Variants in BTN3A2 observed in about 807,000 individuals in gnomAD.
BTN3A2 encodes the protein butyrophilin subfamily 3 member A2, also known as butyrophilin protein.
Under a neutral mutation model 37.6 loss-of-function variants are expected in BTN3A2, and 25 were observed. The observed-to-expected ratio is 0.66, with a 90% CI of 0.48 to 0.93. The LOEUF is 0.93. Among genes scored for constraint, BTN3A2 ranks in the 40% least tolerant of loss-of-function variants. The pLI is 0.00. For missense variants in BTN3A2, 266 were observed against 410.9 expected (o/e 0.65, Z 3.05); for synonymous variants, 122 against 159.4 (o/e 0.77, Z 1.77).
At chr6:26,375,670 G>C in intron 10 of BTN3A2, 127 bp from the exon 11 acceptor site, 1 of 1,516,848 alleles carries the variant, frequency 6.6e-7, no homozygotes, top group Non-Finnish European at 8.8e-7. Flanking sequence ...ACAGAGCCCA[G>C]CACAGAGACG....
At chr6:26,374,889 G>A (rs1049322437) in intron 10 of BTN3A2, 91 bp downstream of exon 10, 6 of 1,367,380 alleles carry the variant, frequency 4.4e-6, no homozygotes, top group African/African-American at 4.4e-5. Context: ...GTGATTTGGA[G>A]CAGAAAAGTT....
In BTN3A2 at chr6:26,377,802, CT is replaced by C; in HGVS notation, c.*2042del. The C allele has an allele frequency of 6.4e-6, 1 of 156,952 alleles. No individual in the cohort carries two copies. Among genetic ancestry groups the C allele is most frequent in the Non-Finnish European group, 1.4e-5 (1 of 70,762 alleles). 9.7% of individuals were successfully genotyped at this position (156,952 alleles called of 1,614,324 possible). On this transcript the variant is annotated 3_prime_UTR_variant, in exon 11 of 11. Coordinates refer to ENST00000377708, the MANE Select transcript of BTN3A2 (RefSeq NM_007047.5). The stretch of plus-strand genomic sequence containing the variant: ...GTGGAGTTAAGACCCCTATGGACTC[CT>C]TCCCAGCTGATTATCAGAGCCTTAG...
chr6:26,365,487 T>C, intron 1 of BTN3A2, 135 bp downstream of exon 1: 2 of 622,902 alleles, frequency 3.2e-6, no homozygotes, highest in Non-Finnish European at 5.4e-6. Context: ...TGTGTGTGTG[T>C]GTGTGTGTGT....
At chr6:26,374,088 C>T in intron 8 of BTN3A2, 2 of 466,680 alleles carry the variant, frequency 4.3e-6, no homozygotes, top group Non-Finnish European at 7.5e-6. Flanking sequence ...AAGGAACTCT[C>T]ACAGTGCCTG....
chr6:26,370,534 G>T lies in BTN3A2; in HGVS notation c.646G>T (p.Glu216Ter), dbSNP rs547467729. 2.6e-5 allele frequency: 42 copies of T among 1,614,242 alleles called. No homozygotes were observed. Among genetic ancestry groups the T allele is most frequent in the Middle Eastern group, 3.3e-4 (2 of 6,062 alleles). The change falls in exon 5 of 11, where the codon GAG becomes TAG. Residue 216 changes from glutamate to a stop codon, truncating the protein, a stop_gained. Coordinates refer to ENST00000377708, the MANE Select transcript of BTN3A2 (RefSeq NM_007047.5). LOFTEE classifies it high-confidence loss of function. Reference sequence around the variant, plus strand: ...TGTGATCATGAGAGGCGGCTCCGGGGAGGGTGTATCCTGCATCATCAGAAA... The same window carrying T: ...TGTGATCATGAGAGGCGGCTCCGGGTAGGGTGTATCCTGCATCATCAGAAA... ...ASVIMRGGSG[E>*]GVSCIIRNSL...
At chr6:26,374,719 G>A (rs1343194721) in intron 9 of BTN3A2, 52 bp from the exon 10 acceptor site, 1 of 1,486,988 alleles carries the variant, frequency 6.7e-7, no homozygotes, top group Non-Finnish European at 9.3e-7. Context: ...AATGGAGTGG[G>A]AAAAGTACAA....
intron 1 of BTN3A2, among the ~76,000 whole-genome samples, chr6:26,367,130 A>G (rs954848815): frequency 6.6e-6 from 1 of 152,170 alleles, no homozygotes; most frequent in African/African-American, 2.4e-5. Context: ...TAGTTCTGCA[A>G]GGTGCTTTTT....
intron 8 of BTN3A2, 126 bp from the exon 9 acceptor site, chr6:26,374,201 T>TAAAAAAAAAA (rs34655395): frequency 2.0e-5 from 5 of 246,806 alleles, no homozygotes; most frequent in African/African-American, 7.9e-5. Flanking sequence ...GGTGGGATGG[T>TAAAAAAAAAA]AAAAAAAAAA....
rs71557335 is a variant in BTN3A2, at chr6:26,368,051, G to A, written c.-6+1G>A. The A allele has an allele frequency of 0.11, 166,920 of 1,511,540 alleles. 10,253 individuals carry two copies. The highest frequency in any genetic ancestry group is 0.12 in the Non-Finnish European group (140,709 of 1,127,992). 93.6% of individuals were successfully genotyped at this position (1,511,540 alleles called of 1,614,324 possible). A position where few individuals can be genotyped will look rare whatever the true frequency, so the allele number is the denominator to read the frequency against. On this transcript the variant is annotated splice_donor_variant, in intron 2 of 10. Transcript: ENST00000377708. LOFTEE classifies it low-confidence loss of function (5UTR_SPLICE). Reference sequence around the variant, plus strand: ...TCAAGGACAGACATTTTTGGCAGAGGTAAGATCTTCTTCGGTCACCATATT... The same window carrying A: ...TCAAGGACAGACATTTTTGGCAGAGATAAGATCTTCTTCGGTCACCATATT...
chr6:26,372,600 G>A (rs1283048627), intron 5 of BTN3A2: 4 of 337,368 alleles, frequency 1.2e-5, no homozygotes, highest in East Asian at 6.2e-5. Flanking sequence ...AGTTTTGAAC[G>A]ATGTAAATGT....
In BTN3A2 at chr6:26,377,170, T is replaced by G; in HGVS notation, c.*1408T>G. On this transcript the variant is annotated 3_prime_UTR_variant, in exon 11 of 11. Coordinates refer to ENST00000377708, the MANE Select transcript of BTN3A2 (RefSeq NM_007047.5). Reference sequence around the variant, plus strand: ...CTGGAGATACCACTGACCCCAGGCTTAGCTAATGAAAGTGGGGAGCCTCAG... The same window carrying G: ...CTGGAGATACCACTGACCCCAGGCTGAGCTAATGAAAGTGGGGAGCCTCAG... The G allele has an allele frequency of 3.2e-6, 4 of 1,264,182 alleles. No homozygotes were observed. Among genetic ancestry groups the G allele is most frequent in the Non-Finnish European group, 3.5e-6 (3 of 862,390 alleles). The allele number at this position is 1,264,182 out of a possible 1,614,324, so 78.3% of individuals were successfully genotyped here.
chr6:26,375,577 A>G, intron 10 of BTN3A2: 3 of 1,456,324 alleles, frequency 2.1e-6, no homozygotes, highest in Non-Finnish European at 1.9e-6. Context: ...GGCACTGTCC[A>G]TAGAGGACAG....
chr6:26,370,413 C>T lies in BTN3A2; in HGVS notation c.525C>T (p.Pro175=). ...GGTCCACCGGCTGGTACCCCCAACC[C>T]CAAATACAGTGGAGCAACGCCAAGG... The part of the protein sequence containing the change: ...ECRSTGWYPQ[P]QIQWSNAKGE... Residue 175 remains proline, a synonymous_variant, in exon 5 of 11, where the codon CCC becomes CCT. Coordinates refer to ENST00000377708, the MANE Select transcript of BTN3A2 (RefSeq NM_007047.5). The T allele has an allele frequency of 6.2e-7, 1 of 1,614,186 alleles. No individual in the cohort carries two copies. The highest frequency in any genetic ancestry group is 8.5e-7 in the Non-Finnish European group (1 of 1,180,030).
intron 9 of BTN3A2, 154 bp from the exon 10 acceptor site, chr6:26,374,617 G>A: frequency 1.0e-6 from 1 of 953,934 alleles, no homozygotes; most frequent in Non-Finnish European, 1.6e-6. Flanking sequence ...TTGAGAAGGT[G>A]CCACCTCTGA....
intron 10 of BTN3A2, chr6:26,375,078 C>A: frequency 2.9e-6 from 1 of 348,478 alleles, no homozygotes; most frequent in South Asian, 7.9e-5. Flanking sequence ...CCTGTATCTC[C>A]TCAAAGGATT....
At chr6:26,374,654 C>G in intron 9 of BTN3A2, 117 bp from the exon 10 acceptor site, 1 of 1,207,786 alleles carries the variant, frequency 8.3e-7, no homozygotes, top group Non-Finnish European at 1.2e-6. Flanking sequence ...AGGAGGGAAG[C>G]TGGACCCTGG....
rs1227143186 is a variant in BTN3A2, at chr6:26,376,877, G to C, written c.*1115G>C. On this transcript the variant is annotated 3_prime_UTR_variant, in exon 11 of 11. Coordinates refer to ENST00000377708, the MANE Select transcript of BTN3A2 (RefSeq NM_007047.5). ...CTATGGGCCTGACTGATGGGAATAAGTATCGGGCTCTCACTGAGCCCAGAA... is the reference window on the plus strand; with the variant it reads ...CTATGGGCCTGACTGATGGGAATAACTATCGGGCTCTCACTGAGCCCAGAA... The C allele has an allele frequency of 3.7e-6, 6 of 1,613,920 alleles. No individual in the cohort carries two copies. Among genetic ancestry groups the C allele is most frequent in the Non-Finnish European group, 5.1e-6 (6 of 1,179,982 alleles).
At chr6:26,373,206 C>T (rs145639750) in intron 6 of BTN3A2, 70 bp from the exon 7 acceptor site, 47 of 1,600,620 alleles carry the variant, frequency 2.9e-5, no homozygotes, top group African/African-American at 5.4e-5. Flanking sequence ...GTTTATTTCC[C>T]GAAACACCAA....
chr6:26,372,233 T>A (rs1760188813), intron 5 of BTN3A2, among the ~76,000 whole-genome samples: 1 of 129,792 alleles, frequency 7.7e-6, no homozygotes, highest in South Asian at 2.5e-4. Context: ...TTTAATTTAC[T>A]TTTTTTTAGT....
Sources: allele counts gnomAD v4.1 joint callset (sites outside exome capture counted in the v4.1 genomes callset), GRCh38; gene constraint gnomAD v4.1.1; transcripts MANE v1.5; gene names NCBI Gene and HGNC (gene_info 2026-07-23, HGNC 2026-07-21).